The following EP400 variants were observed in gnomAD, a reference collection of about 807,000 sequenced individuals.
The protein encoded by EP400 is E1A-binding protein p400.
A neutral mutation model predicts 354.1 loss-of-function variants in EP400; 105 were observed. The ratio of observed to expected loss-of-function variants is 0.30; its 90% confidence interval spans 0.25 to 0.35. The LOEUF (loss-of-function observed/expected upper bound fraction) is 0.35, where lower values mean the gene tolerates loss of function less well. Ranked by LOEUF, EP400 falls within the 10% of genes least tolerant of loss-of-function variation. The probability of loss-of-function intolerance (pLI) is 1.00; values close to 1 mark genes in which losing one functional copy is unlikely to be tolerated. For synonymous variants in EP400, 1,646 were observed against 1,716.9 expected (o/e 0.96, Z 1.02); for missense variants, 3,280 against 4,121.0 (o/e 0.80, Z 5.59).
chr12:132,039,277 GT>G, intron 32 of EP400, among the ~76,000 whole-genome samples: 2 of 152,338 alleles, frequency 1.3e-5, no homozygotes, highest in East Asian at 3.9e-4. Context: ...TTAAAAAGGG[GT>G]TTATTTCGCT....
At chr12:131,975,605 G>C (rs1490584971) in intron 2 of EP400, among the ~76,000 whole-genome samples, 2 of 151,906 alleles carry the variant, frequency 1.3e-5, no homozygotes, top group Non-Finnish European at 2.9e-5. Context: ...TGTCACCCAG[G>C]CTGGAGTGTG....
At chr12:132,039,876 A>G (rs984969683) in intron 32 of EP400, among the ~76,000 whole-genome samples, 2 of 152,152 alleles carry the variant, frequency 1.3e-5, no homozygotes, top group African/African-American at 4.8e-5. Context: ...CCATCTCTAC[A>G]AGAAGAATTT....
At position 131,968,275 on chromosome 12, in the gene EP400, G is replaced by A. The variant is rs148786588; in HGVS notation, c.1335+6321G>A. Among the ~76,000 whole-genome samples, 501 of 152,230 alleles carry A rather than the reference G, an allele frequency of 3.3e-3. 8 individuals carry two copies. The highest frequency in any genetic ancestry group is 0.028 in the Admixed American group (429 of 15,292). On this transcript the variant is annotated intron_variant, in intron 2 of 52. Coordinates refer to ENST00000389561, the MANE Select transcript of EP400 (RefSeq NM_015409.5). ...TTTTGCGTAAAATTTTGTGTAACAT[G>A]GCAAATATAAGAAATTTGCATGTGA...
chr12:131,960,269 G>T (rs2136465326), intron 1 of EP400, among the ~76,000 whole-genome samples: 1 of 152,320 alleles, frequency 6.6e-6, no homozygotes, highest in South Asian at 2.1e-4. Context: ...CCACAGGGCG[G>T]CCATGAGGAT....
At position 132,037,737 on chromosome 12, in the gene EP400, C is replaced by G; in HGVS notation, c.6007C>G (p.Leu2003Val). The change falls in exon 31 of 53, where the codon CTG becomes GTG. Residue 2003 changes from leucine to valine, a missense_variant. This residue lies in a region of EP400 where 60 missense variants were observed against 109.9 expected (regional missense o/e 0.55). Coordinates refer to ENST00000389561, the MANE Select transcript of EP400 (RefSeq NM_015409.5). ...ATTGTTGAAAAATGGAACTAAAGAT[C>G]TGATCCGAGAAGTGGCTGCTCAGGG... is the stretch of plus-strand genomic sequence containing the variant. ...EKLLKNGTKD[L>V]IREVAAQGND... The G allele has an allele frequency of 1.2e-6, 2 of 1,614,230 alleles. No individual in the cohort carries two copies. The highest frequency in any genetic ancestry group is 8.5e-7 in the Non-Finnish European group (1 of 1,180,044).
chr12:131,986,077 C>T (rs1334384497), intron 5 of EP400, among the ~76,000 whole-genome samples: 2 of 152,188 alleles, frequency 1.3e-5, no homozygotes, highest in African/African-American at 2.4e-5. Context: ...CAGGCTCAAG[C>T]AGTCCTCCCA....
intron 1 of EP400, among the ~76,000 whole-genome samples, chr12:131,959,471 G>A (rs139120675): frequency 1.1e-3 from 160 of 152,318 alleles, no homozygotes; most frequent in African/African-American, 3.6e-3. Flanking sequence ...TCTCACCACA[G>A]GATTACCCTT....
chr12:132,055,859 C>T (rs1895492521), intron 45 of EP400, among the ~76,000 whole-genome samples: 1 of 151,802 alleles, frequency 6.6e-6, no homozygotes, highest in East Asian at 1.9e-4. Flanking sequence ...GCAGGTGCCC[C>T]CCATGTGCTT....
intron 2 of EP400, chr12:131,963,685 T>C (rs749746414): frequency 1.2e-5 from 18 of 1,501,250 alleles, no homozygotes; most frequent in Non-Finnish European, 1.5e-5. Flanking sequence ...TCCCAAACTT[T>C]TCCTTCATCC....
chr12:132,003,629 C>T (rs1893489749), intron 12 of EP400, among the ~76,000 whole-genome samples: 1 of 152,114 alleles, frequency 6.6e-6, no homozygotes, highest in Non-Finnish European at 1.5e-5. Context: ...AGTGGTTTGG[C>T]TTGTTTTTCC....
chr12:131,975,784 C>G (rs1167400879), intron 2 of EP400, among the ~76,000 whole-genome samples: 1 of 152,154 alleles, frequency 6.6e-6, no homozygotes, highest in Non-Finnish European at 1.5e-5. Flanking sequence ...GTCTTGAACT[C>G]CTGACCTCAA....
intron 48 of EP400, chr12:132,065,362 T>G (rs1014727472): frequency 1.2e-5 from 2 of 161,652 alleles, no homozygotes; most frequent in Non-Finnish European, 2.7e-5. Flanking sequence ...CTGGGAAGAC[T>G]GGCTCTCAGC....
chr12:132,045,081 C>T, intron 37 of EP400, 128 bp downstream of exon 37: 1 of 1,407,182 alleles, frequency 7.1e-7, no homozygotes, highest in South Asian at 1.4e-5. Flanking sequence ...CGATCACACG[C>T]CCATCCGCTG....
chr12:132,023,935 C>A lies in EP400; in HGVS notation c.4849C>A (p.Leu1617Met). 1 of 1,604,748 alleles carries A rather than the reference C, an allele frequency of 6.2e-7. No individual in the cohort carries two copies. The highest frequency in any genetic ancestry group is 8.5e-7 in the Non-Finnish European group (1 of 1,175,770). Residue 1617 changes from leucine (L) to methionine (M), a missense_variant, in exon 24 of 53, where the codon CTG becomes ATG. Leu to Met is a conservative substitution (Grantham distance 15). Around this residue, in one of 20 missense-constraint regions of EP400, gnomAD observed 25 missense variants for 51.2 expected, o/e 0.49. Transcript: ENST00000389561. ...RQLTAGQPLQ[L>M]QGSVLQIVSA... ...GCTCACAGCGGGCCAGCCGCTGCAG[C>A]TGCAAGGTAAGGATAAGGATGAGAG...
intron 2 of EP400, among the ~76,000 whole-genome samples, chr12:131,968,266 G>A (rs1459471637): frequency 1.3e-5 from 2 of 152,130 alleles, no homozygotes; most frequent in Non-Finnish European, 2.9e-5. Flanking sequence ...GTAAAATTTT[G>A]TGTAACATGG....
chr12:132,024,139 G>A lies in EP400; in HGVS notation c.4855+198G>A, dbSNP rs188920478. Reference sequence around the variant, plus strand: ...CCACCGGGTTGCCTGCACTTGATGCGTGTCAGATAAACAACAGGCACTTTC... The same window carrying A: ...CCACCGGGTTGCCTGCACTTGATGCATGTCAGATAAACAACAGGCACTTTC... On this transcript the variant is annotated intron_variant, in intron 24 of 52. Coordinates refer to ENST00000389561, the MANE Select transcript of EP400 (RefSeq NM_015409.5). Among the ~76,000 whole-genome samples the A allele has an allele frequency of 4.6e-5, 7 of 152,328 alleles. No individual in the cohort carries two copies. The East Asian group carries it at 7.7e-4, about 17-fold the overall frequency.
At chr12:131,975,641 C>A (rs1294267751) in intron 2 of EP400, among the ~76,000 whole-genome samples, 1 of 152,066 alleles carries the variant, frequency 6.6e-6, no homozygotes, top group Non-Finnish European at 1.5e-5. Context: ...CTCACTGCAA[C>A]CTCAGCCTCC....
intron 19 of EP400, among the ~76,000 whole-genome samples, chr12:132,016,503 G>A (rs1893939461): frequency 6.6e-6 from 1 of 152,122 alleles, no homozygotes; most frequent in Non-Finnish European, 1.5e-5. Flanking sequence ...CGAGTTGCTG[G>A]GATTACAGGC....
intron 12 of EP400, among the ~76,000 whole-genome samples, chr12:131,998,730 T>C (rs1893300094): frequency 2.7e-5 from 1 of 37,630 alleles, no homozygotes; most frequent in East Asian, 1.2e-3. Context: ...TTGTATACAG[T>C]CTTGTATACA....
Sources: gnomAD v4.1 joint callset for allele counts (sites outside exome capture counted in the v4.1 genomes callset) on GRCh38, gnomAD v4.1.1 for gene constraint, gnomAD v4.1.1 regional missense constraint, MANE v1.5 for transcripts, NCBI Gene and HGNC (gene_info 2026-07-23, HGNC 2026-07-21) for gene names.